The following CFAP263 variants were observed in gnomAD, a reference collection of about 807,000 sequenced individuals.
CFAP263 encodes cilia- and flagella-associated protein 263.
the CFAP263 span, among the ~76,000 whole-genome samples, chr16:58,265,004 G>A: frequency 6.6e-6 from 1 of 152,152 alleles, no homozygotes; most frequent in African/African-American, 2.4e-5. Flanking sequence ...AGTCAAGGTG[G>A]CAGCTTTTTC....
At chr16:58,273,083 T>C in the CFAP263 span, among the ~76,000 whole-genome samples, 1 of 152,186 alleles carries the variant, frequency 6.6e-6, no homozygotes, top group African/African-American at 2.4e-5. Context: ...ATGTAATGAA[T>C]TGTTTTCTCT....
At chr16:58,266,374 CATATATATATAT>C in the CFAP263 span, among the ~76,000 whole-genome samples, 4 of 41,406 alleles carry the variant, frequency 9.7e-5, no homozygotes, top group South Asian at 1.3e-3. Context: ...CTCTTTCCAG[CATATATATATAT>C]ATATATATAT....
the CFAP263 span, among the ~76,000 whole-genome samples, chr16:58,278,094 T>C: frequency 6.6e-6 from 1 of 152,172 alleles, no homozygotes; most frequent in Non-Finnish European, 1.5e-5. Flanking sequence ...GTTATATATA[T>C]ATCTTATAAT....
the CFAP263 span, among the ~76,000 whole-genome samples, chr16:58,255,859 G>A: frequency 2.6e-5 from 4 of 151,668 alleles, no homozygotes; most frequent in Non-Finnish European, 5.9e-5. Context: ...CATCGCGCCC[G>A]GCCCCTAGGT....
the CFAP263 span, among the ~76,000 whole-genome samples, chr16:58,261,686 G>T: frequency 7.2e-5 from 11 of 152,190 alleles, no homozygotes; most frequent in Non-Finnish European, 1.6e-4. Flanking sequence ...AGGAAGTTGT[G>T]TTGTTTTGGG....
At chr16:58,280,684 A>G in the CFAP263 span, 1 of 1,614,168 alleles carries the variant, frequency 6.2e-7, no homozygotes, top group Non-Finnish European at 8.5e-7. Context: ...CTCACCACCG[A>G]AGTTCAGGAC....
chr16:58,279,803 C>CCA, the CFAP263 span: 133 of 1,539,824 alleles, frequency 8.6e-5, no homozygotes, highest in Admixed American at 1.2e-4. Flanking sequence ...GGCTTACAGA[C>CCA]CACTACATGA....
At chr16:58,274,563 T>A in the CFAP263 span, among the ~76,000 whole-genome samples, 7 of 152,050 alleles carry the variant, frequency 4.6e-5, no homozygotes, top group Non-Finnish European at 8.8e-5. Context: ...AGTGAGGGAG[T>A]TCTCATGAGA....
At chr16:58,280,213 T>C in the CFAP263 span, 1 of 1,593,016 alleles carries the variant, frequency 6.3e-7, no homozygotes, top group Non-Finnish European at 8.6e-7. Context: ...TTTGGTGGGG[T>C]AGCTCCTGGA....
chr16:58,266,947 G>A, the CFAP263 span, among the ~76,000 whole-genome samples: 2 of 152,166 alleles, frequency 1.3e-5, no homozygotes, highest in African/African-American at 2.4e-5. Context: ...GCTCCCCCTG[G>A]TCTCTGTGAC....
At chr16:58,255,516 T>C in the CFAP263 span, among the ~76,000 whole-genome samples, 1 of 151,854 alleles carries the variant, frequency 6.6e-6, no homozygotes, top group Non-Finnish European at 1.5e-5. Context: ...TGACACCTAA[T>C]ATTAACCATC....
chr16:58,252,701 A>G, the CFAP263 span: 2 of 1,608,028 alleles, frequency 1.2e-6, no homozygotes, highest in Non-Finnish European at 8.5e-7. Context: ...TATTACTAGA[A>G]CTTACTCAGG....
chr16:58,252,726 GCTATGTAAACTCTGCTCTCAAAACTGAGA>G, the CFAP263 span: 1 of 1,613,032 alleles, frequency 6.2e-7, no homozygotes, highest in South Asian at 1.1e-5. Context: ...CTGTCTTGCA[GCTATGTAAACTCTGCTCTCAAAACTGAGA>G]CTGAGATGTT....
At chr16:58,262,113 A>C in the CFAP263 span, among the ~76,000 whole-genome samples, 1 of 150,358 alleles carries the variant, frequency 6.7e-6, no homozygotes, top group Non-Finnish European at 1.5e-5. Context: ...CCCCCCGAAC[A>C]ACACATCGCA....
the CFAP263 span, among the ~76,000 whole-genome samples, chr16:58,253,545 A>G: frequency 6.6e-6 from 1 of 152,074 alleles, no homozygotes; most frequent in Non-Finnish European, 1.5e-5. Context: ...ACCCATATGT[A>G]CCCTGGACCA....
At chr16:58,254,011 G>T in the CFAP263 span, 2 of 1,614,078 alleles carry the variant, frequency 1.2e-6, no homozygotes, top group Admixed American at 3.3e-5. Flanking sequence ...CGAGGCAGGC[G>T]TAGATCCAAA....
At chr16:58,270,467 T>C in the CFAP263 span, among the ~76,000 whole-genome samples, 1 of 152,080 alleles carries the variant, frequency 6.6e-6, no homozygotes, top group Non-Finnish European at 1.5e-5. Context: ...TTTTGCACTA[T>C]CTTAAAGTAA....
At chr16:58,254,177 C>T in the CFAP263 span, 5 of 1,613,534 alleles carry the variant, frequency 3.1e-6, no homozygotes, top group East Asian at 2.2e-5. Flanking sequence ...TTCCTGCCAG[C>T]GCAGCCTGTC....
chr16:58,257,494 C>T, the CFAP263 span, among the ~76,000 whole-genome samples: 4 of 151,862 alleles, frequency 2.6e-5, no homozygotes, highest in East Asian at 1.9e-4. Context: ...TATTCGCGGT[C>T]GCAATCATAG....
Sources: allele counts gnomAD v4.1 joint callset (sites outside exome capture counted in the v4.1 genomes callset), GRCh38; gene constraint gnomAD v4.1.1; transcripts MANE v1.5; gene names NCBI Gene and HGNC (gene_info 2026-07-23, HGNC 2026-07-21).